Variants in SLC1A2 observed in about 807,000 individuals in gnomAD.
The protein encoded by SLC1A2 is excitatory amino acid transporter 2.
A neutral mutation model predicts 48.8 loss-of-function variants in SLC1A2; 15 were observed. The ratio of observed to expected loss-of-function variants is 0.31; its 90% CI spans 0.21 to 0.47. The LOEUF is 0.47. Ranked by LOEUF, SLC1A2 falls within the 20% of genes least tolerant of loss-of-function variation. The pLI, the probability that SLC1A2 is intolerant of heterozygous loss-of-function variation, is 0.99. For synonymous variants in SLC1A2, 279 were observed against 272.6 expected (o/e 1.02, Z -0.23); for missense variants, 502 against 730.5 (o/e 0.69, Z 3.61).
In SLC1A2 at chr11:35,301,790, T is replaced by C; in HGVS notation, c.731-145A>G. 4 of 739,244 alleles carry C rather than the reference T, an allele frequency of 5.4e-6. No homozygotes were observed. The South Asian group carries it at 7.9e-5, about 15-fold the overall frequency. The allele number at this position is 739,244 out of a possible 1,614,324, so 45.8% of individuals were successfully genotyped here. On this transcript the variant is annotated intron_variant, in intron 5 of 10. Transcript: ENST00000278379. ...TAGACATTAAAAGAACAAAGCATTA[T>C]ATTTGATACTGAATGTAACTTTCCC...
intron 1 of SLC1A2, among the ~76,000 whole-genome samples, chr11:35,378,740 A>G (rs998081745): frequency 6.6e-6 from 1 of 152,198 alleles, no homozygotes; most frequent in Non-Finnish European, 1.5e-5. Context: ...TCTCCAGACT[A>G]ATATATAACC....
intron 9 of SLC1A2, among the ~76,000 whole-genome samples, chr11:35,268,203 C>A (rs1041100488): frequency 2.6e-5 from 4 of 152,140 alleles, no homozygotes; most frequent in Non-Finnish European, 5.9e-5. Context: ...ATACCTTTGA[C>A]CAATTGCAAA....
At chr11:35,302,908 T>C (rs1376979873) in intron 5 of SLC1A2, among the ~76,000 whole-genome samples, 2 of 149,172 alleles carry the variant, frequency 1.3e-5, no homozygotes, top group Admixed American at 6.7e-5. Context: ...GAGGTCTCAG[T>C]TCTTACTACT....
chr11:35,325,725 G>T (rs567750416), intron 1 of SLC1A2, among the ~76,000 whole-genome samples: 3 of 152,292 alleles, frequency 2.0e-5, no homozygotes, highest in South Asian at 4.1e-4. Flanking sequence ...CACTTTGGGA[G>T]GCTGAGGCGG....
chr11:35,281,818 C>T (rs997325234), intron 8 of SLC1A2: 6 of 151,960 alleles, frequency 3.9e-5, no homozygotes, highest in African/African-American at 1.5e-4. Context: ...TTTCTAGATG[C>T]CATTTGTACA....
intron 1 of SLC1A2, among the ~76,000 whole-genome samples, chr11:35,369,473 G>A (rs1162716451): frequency 6.6e-6 from 1 of 152,156 alleles, no homozygotes; most frequent in Non-Finnish European, 1.5e-5. Context: ...AACAAAATAT[G>A]TAAAGAATGA....
At chr11:35,313,909 T>A (rs1170492691) in intron 3 of SLC1A2, among the ~76,000 whole-genome samples, 2 of 152,144 alleles carry the variant, frequency 1.3e-5, no homozygotes, top group African/African-American at 4.8e-5. Context: ...AGAGCCTCAC[T>A]CACTTCTTTC....
rs1370296866 is a variant in SLC1A2 at position 35,400,460 on chromosome 11, T to C, written c.17+18490A>G. On this transcript the variant is annotated intron_variant, in intron 1 of 10. Transcript: ENST00000278379. ...TTGACATGTGTACATGCATCTGAAATAAAATATACCAATGTTAAAGGCATT... is the reference window on the plus strand; with the variant it reads ...TTGACATGTGTACATGCATCTGAAACAAAATATACCAATGTTAAAGGCATT... 3.3e-5 allele frequency among the ~76,000 whole-genome samples: 5 copies of C among 152,328 alleles called. No individual in the cohort carries two copies. In the East Asian group the frequency reaches 7.7e-4, roughly 23 times the overall value.
intron 1 of SLC1A2, among the ~76,000 whole-genome samples, chr11:35,394,333 T>C (rs944098585): frequency 1.3e-5 from 2 of 152,102 alleles, no homozygotes; most frequent in Non-Finnish European, 2.9e-5. Flanking sequence ...CACCGGGATC[T>C]GCCCCATTGC....
chr11:35,314,368 A>G (rs971083300), intron 3 of SLC1A2, among the ~76,000 whole-genome samples: 1 of 152,212 alleles, frequency 6.6e-6, no homozygotes, highest in Non-Finnish European at 1.5e-5. Flanking sequence ...TCCATCTATT[A>G]CCTTTATCAG....
At chr11:35,265,824 G>A (rs918485653) in intron 9 of SLC1A2, 66 bp from the exon 10 acceptor site, 4 of 997,848 alleles carry the variant, frequency 4.0e-6, no homozygotes, top group African/African-American at 1.6e-5. Flanking sequence ...AGAGGTCAAG[G>A]TCTGGAGTCA....
chr11:35,277,119 AG>A (rs1850465914), intron 9 of SLC1A2, among the ~76,000 whole-genome samples: 1 of 152,210 alleles, frequency 6.6e-6, no homozygotes, highest in Non-Finnish European at 1.5e-5. Context: ...CACCTTTTAA[AG>A]GCCACACCTC....
chr11:35,373,540 G>C (rs531482515), intron 1 of SLC1A2, among the ~76,000 whole-genome samples: 1 of 152,190 alleles, frequency 6.6e-6, no homozygotes, highest in Non-Finnish European at 1.5e-5. Context: ...CAGAAACAAA[G>C]GTTGAGGTAC....
intron 1 of SLC1A2, among the ~76,000 whole-genome samples, chr11:35,376,442 C>T (rs1436444346): frequency 1.3e-5 from 2 of 152,036 alleles, no homozygotes; most frequent in Admixed American, 6.5e-5. Context: ...ACGTACGATA[C>T]CATTAAAGGA....
At chr11:35,287,239 T>C (rs1372923437) in intron 7 of SLC1A2, among the ~76,000 whole-genome samples, 1 of 151,552 alleles carries the variant, frequency 6.6e-6, no homozygotes, top group African/African-American at 2.4e-5. Context: ...GTTTCCACCT[T>C]GGATTCGATA....
intron 1 of SLC1A2, among the ~76,000 whole-genome samples, chr11:35,402,961 G>C (rs186955314): frequency 6.6e-6 from 1 of 152,352 alleles, no homozygotes; most frequent in East Asian, 1.9e-4. Flanking sequence ...CTATGGAAAA[G>C]AATTAGCAAA....
chr11:35,397,874 T>C (rs1319220292), intron 1 of SLC1A2, among the ~76,000 whole-genome samples: 1 of 152,202 alleles, frequency 6.6e-6, no homozygotes, highest in African/African-American at 2.4e-5. Flanking sequence ...AATAAACTTC[T>C]GTTATTTTTA....
chr11:35,357,722 G>A (rs1240104015), intron 1 of SLC1A2, among the ~76,000 whole-genome samples: 9 of 152,130 alleles, frequency 5.9e-5, no homozygotes, highest in Admixed American at 5.9e-4. Context: ...ATAAAGCTGA[G>A]CATAGTCAGG....
chr11:35,398,976 G>C (rs904159853), intron 1 of SLC1A2, among the ~76,000 whole-genome samples: 10 of 152,288 alleles, frequency 6.6e-5, no homozygotes, highest in Admixed American at 2.6e-4. Flanking sequence ...TTCCTGAATG[G>C]GAAGGAAGGA....
Sources: gnomAD v4.1 joint callset for allele counts (sites outside exome capture counted in the v4.1 genomes callset) on GRCh38, gnomAD v4.1.1 for gene constraint, MANE v1.5 for transcripts, NCBI Gene and HGNC (gene_info 2026-07-23, HGNC 2026-07-21) for gene names.